Variants in PTPRD observed in about 807,000 individuals in gnomAD.
PTPRD encodes the protein protein tyrosine phosphatase receptor type D, also known as receptor-type tyrosine-protein phosphatase delta.
A neutral mutation model predicts 214.5 loss-of-function variants in PTPRD; 34 were observed. The ratio of observed to expected loss-of-function variants is 0.16; its 90% CI spans 0.12 to 0.21. The LOEUF is 0.21. Among genes scored for constraint, PTPRD ranks in the 10% least tolerant of loss-of-function variants. The pLI, the probability that PTPRD is intolerant of heterozygous loss-of-function variation, is 1.00. For missense variants in PTPRD, 2,545 were observed against 2,398.7 expected (o/e 1.06, Z -1.27); for synonymous variants, 1,128 against 845.7 (o/e 1.33, Z -5.79).
chr9:8,342,625 A>T (rs939112605), intron 39 of PTPRD, among the ~76,000 whole-genome samples: 3 of 152,126 alleles, frequency 2.0e-5, no homozygotes, highest in Non-Finnish European at 4.4e-5. Context: ...GGCAACAGAC[A>T]GCCTCCTTCA....
chr9:8,739,077 G>A (rs751317698), intron 11 of PTPRD, among the ~76,000 whole-genome samples: 9 of 152,210 alleles, frequency 5.9e-5, no homozygotes, highest in Non-Finnish European at 1.0e-4. Context: ...TACAAACGAT[G>A]TGCTGCTAGG....
intron 10 of PTPRD, among the ~76,000 whole-genome samples, chr9:9,143,901 C>T (rs2154482444): frequency 6.6e-6 from 1 of 152,306 alleles, no homozygotes; most frequent in South Asian, 2.1e-4. Flanking sequence ...ACACGTAATA[C>T]CTCAGTACAT....
At chr9:9,778,180 G>C (rs1228747215) in intron 5 of PTPRD, among the ~76,000 whole-genome samples, 1 of 152,218 alleles carries the variant, frequency 6.6e-6, no homozygotes, top group Non-Finnish European at 1.5e-5. Flanking sequence ...AGGCAAGGCT[G>C]AAGAGGAAGG....
chr9:10,006,809 G>C (rs1477923174), intron 4 of PTPRD, among the ~76,000 whole-genome samples: 1 of 151,928 alleles, frequency 6.6e-6, no homozygotes, highest in East Asian at 1.9e-4. Flanking sequence ...ATATTCTATT[G>C]ACAACTTTCT....
chr9:8,946,066 T>G (rs2099062198), intron 11 of PTPRD, among the ~76,000 whole-genome samples: 1 of 152,152 alleles, frequency 6.6e-6, no homozygotes, highest in South Asian at 2.1e-4. Context: ...CATACAAAAC[T>G]AGGAACATCC....
intron 2 of PTPRD, among the ~76,000 whole-genome samples, chr9:10,601,451 G>T (rs753856026): frequency 1.3e-5 from 2 of 151,520 alleles, no homozygotes; most frequent in Non-Finnish European, 3.0e-5. Context: ...TGCAAATTTT[G>T]CTTATTTTAG....
chr9:9,648,189 T>G (rs189054745), intron 7 of PTPRD, among the ~76,000 whole-genome samples: 4 of 152,186 alleles, frequency 2.6e-5, no homozygotes, highest in Non-Finnish European at 4.4e-5. Flanking sequence ...TTTCACTTAT[T>G]TGAATCTATG....
rs552633788 is a variant in PTPRD, at chr9:9,760,684, C to T, written c.-326+6126G>A. ...TATATATATTCCAGCACTGTTCATA[C>T]GTGTACTCAAAACTCAGCAGTTTAC... On this transcript the variant is annotated intron_variant, in intron 6 of 45. Coordinates refer to ENST00000381196, the MANE Select transcript of PTPRD (RefSeq NM_002839.4). 1.5e-4 allele frequency among the ~76,000 whole-genome samples: 23 copies of T among 149,580 alleles called. No individual in the cohort carries two copies. The South Asian group carries it at 2.3e-3, about 15-fold the overall frequency.
At chr9:8,673,591 C>A (rs992941848) in intron 12 of PTPRD, among the ~76,000 whole-genome samples, 1 of 152,138 alleles carries the variant, frequency 6.6e-6, no homozygotes, top group South Asian at 2.1e-4. Context: ...CCTTCTATTC[C>A]ATTTTTAATT....
intron 2 of PTPRD, among the ~76,000 whole-genome samples, chr9:10,452,605 G>A (rs1301166434): frequency 6.6e-6 from 1 of 151,638 alleles, no homozygotes; most frequent in African/African-American, 2.4e-5. Context: ...GATTTACCTA[G>A]TGGCCATTTG....
At chr9:9,207,294 G>C (rs1347986281) in intron 9 of PTPRD, among the ~76,000 whole-genome samples, 3 of 152,194 alleles carry the variant, frequency 2.0e-5, no homozygotes, top group African/African-American at 7.2e-5. Flanking sequence ...CATGGAGACA[G>C]GGAGTAGATA....
intron 8 of PTPRD, among the ~76,000 whole-genome samples, chr9:9,506,652 C>T (rs905785119): frequency 1.3e-5 from 2 of 151,292 alleles, no homozygotes; most frequent in Non-Finnish European, 3.0e-5. Flanking sequence ...CTTTGGAATA[C>T]TCAATTTGAG....
chr9:9,583,296 C>T (rs960962739), intron 7 of PTPRD, among the ~76,000 whole-genome samples: 4 of 151,904 alleles, frequency 2.6e-5, no homozygotes, highest in Admixed American at 1.3e-4. Context: ...TTTATACATC[C>T]TTATGTTTAA....
At chr9:9,063,037 A>T (rs2099710526) in intron 10 of PTPRD, among the ~76,000 whole-genome samples, 1 of 152,174 alleles carries the variant, frequency 6.6e-6, no homozygotes, top group Admixed American at 6.5e-5. Flanking sequence ...TTATCTGGGC[A>T]GTATGTCTAA....
intron 3 of PTPRD, among the ~76,000 whole-genome samples, chr9:10,071,985 C>T (rs1169113423): frequency 2.6e-5 from 4 of 151,426 alleles, no homozygotes; most frequent in Admixed American, 2.6e-4. Flanking sequence ...CTACTTAGCA[C>T]ACATAGTATA....
At chr9:9,386,766 GATA>G (rs2064002424) in intron 9 of PTPRD, among the ~76,000 whole-genome samples, 1 of 152,030 alleles carries the variant, frequency 6.6e-6, no homozygotes, top group South Asian at 2.1e-4. Flanking sequence ...GGGAAAAAAA[GATA>G]ATAAAGGCAA....
chr9:8,374,474 C>T (rs966316816), intron 39 of PTPRD, among the ~76,000 whole-genome samples: 1 of 151,928 alleles, frequency 6.6e-6, no homozygotes, highest in African/African-American at 2.4e-5. Context: ...TAATGTTTTA[C>T]AATCATGCAG....
chr9:8,865,710 G>C (rs1326495128), intron 11 of PTPRD, among the ~76,000 whole-genome samples: 1 of 152,114 alleles, frequency 6.6e-6, no homozygotes, highest in Non-Finnish European at 1.5e-5. Context: ...TGCAAAATAT[G>C]ATAGCATGTG....
Position 9,989,016 on chromosome 9 carries a change from C to CAAAAAAAAAAAAAAAA in PTPRD, c.-472+44686_-472+44701dup, listed in dbSNP as rs397836899. On this transcript the variant is annotated intron_variant, in intron 4 of 45. Coordinates refer to ENST00000381196, the MANE Select transcript of PTPRD (RefSeq NM_002839.4). The stretch of plus-strand genomic sequence containing the variant: ...CAGAAGAGCCCTTAGTTTCACTGAC[C>CAAAAAAAAAAAAAAAA]AAAAAAAAAAAAAAAAAAAAAAAAA... Among the ~76,000 whole-genome samples the CAAAAAAAAAAAAAAAA allele has an allele frequency of 3.6e-4, 13 of 36,282 alleles. 1 individual carries two copies. The highest frequency in any genetic ancestry group is 9.2e-4 in the African/African-American group (12 of 13,052). 23.8% of individuals were successfully genotyped at this position (36,282 alleles called of 152,430 possible).
Sources: gnomAD v4.1 joint callset for allele counts (sites outside exome capture counted in the v4.1 genomes callset) on GRCh38, gnomAD v4.1.1 for gene constraint, MANE v1.5 for transcripts, NCBI Gene and HGNC (gene_info 2026-07-23, HGNC 2026-07-21) for gene names.